The following GLI3 variants were observed in gnomAD, a reference collection of about 807,000 sequenced individuals.
The protein encoded by GLI3 is transcription activator GLI3.
GLI3 carries 20 observed loss-of-function variants against 100.8 expected under a neutral mutation model. The ratio of observed to expected loss-of-function variants is 0.20; its 90% CI spans 0.14 to 0.29. The LOEUF (loss-of-function observed/expected upper bound fraction) is 0.29, where lower values mean the gene tolerates loss of function less well. GLI3 is among the 10% of genes least tolerant of loss of function. The pLI is 1.00. For missense variants in GLI3, 2,040 were observed against 2,128.5 expected (o/e 0.96, Z 0.82); for synonymous variants, 938 against 860.5 (o/e 1.09, Z -1.58).
At chr7:41,984,874 A>C (rs1787772151) in intron 10 of GLI3, among the ~76,000 whole-genome samples, 1 of 152,258 alleles carries the variant, frequency 6.6e-6, no homozygotes, top group Non-Finnish European at 1.5e-5. Context: ...CACAAGCTAC[A>C]TGTAAAAGCA....
chr7:42,045,920 C>G (rs1046802364), intron 5 of GLI3, among the ~76,000 whole-genome samples: 6 of 152,120 alleles, frequency 3.9e-5, no homozygotes, highest in African/African-American at 1.4e-4. Context: ...TGATATCTTT[C>G]CAGACATACT....
chr7:42,238,196 C>A (rs926131416), upstream of GLI3, among the ~76,000 whole-genome samples: 1 of 151,954 alleles, frequency 6.6e-6, no homozygotes, highest in Non-Finnish European at 1.5e-5. Context: ...CCTCTCTCTT[C>A]TCTCTCCACA....
rs1225305023 is a variant in GLI3 at position 42,219,954 on chromosome 7, C to T, written c.124+3176G>A. ...CTGTAAGCTCCACCTCCCGAATTCA[C>T]GCCATTCTCCTGCCTCAGCCTCCCG... is the stretch of plus-strand genomic sequence containing the variant. On this transcript the variant is annotated intron_variant, in intron 2 of 14. Coordinates refer to ENST00000395925, the MANE Select transcript of GLI3 (RefSeq NM_000168.6). Among the ~76,000 whole-genome samples the T allele has an allele frequency of 3.3e-5, 5 of 151,510 alleles. No individual in the cohort carries two copies. The South Asian group carries it at 6.3e-4, about 19-fold the overall frequency.
intron 1 of GLI3, among the ~76,000 whole-genome samples, chr7:42,261,222 C>T (rs1554345529): frequency 0.011 from 1,601 of 140,670 alleles, 29 homozygotes; most frequent in African/African-American, 0.039. Flanking sequence ...CACACACACA[C>T]AACACACACA....
intron 1 of GLI3, among the ~76,000 whole-genome samples, chr7:42,243,927 G>A (rs987284534): frequency 6.6e-5 from 10 of 152,210 alleles, no homozygotes; most frequent in Non-Finnish European, 1.5e-4. Context: ...TCCACCTCCC[G>A]GGTTCAACCA....
At chr7:42,028,939 C>T (rs1027359461) in intron 7 of GLI3, among the ~76,000 whole-genome samples, 8 of 152,184 alleles carry the variant, frequency 5.3e-5, no homozygotes, top group Admixed American at 3.9e-4. Context: ...TCTTCACATA[C>T]TTTGGCCATA....
At chr7:42,135,668 T>G (rs554731809) in intron 3 of GLI3, among the ~76,000 whole-genome samples, 1 of 152,332 alleles carries the variant, frequency 6.6e-6, no homozygotes, top group East Asian at 1.9e-4. Context: ...TTTCCATGTC[T>G]GTCTTTAGCC....
intron 10 of GLI3, among the ~76,000 whole-genome samples, chr7:41,994,422 G>T (rs1788071066): frequency 6.6e-6 from 1 of 152,166 alleles, no homozygotes; most frequent in African/African-American, 2.4e-5. Context: ...GGGAAGTAAG[G>T]TTGGTCCTAC....
chr7:42,223,571 T>C (rs1222091490), intron 1 of GLI3, among the ~76,000 whole-genome samples: 1 of 152,220 alleles, frequency 6.6e-6, no homozygotes, highest in African/African-American at 2.4e-5. Flanking sequence ...TCAAACGGTA[T>C]AAAAATCTCA....
At chr7:42,252,608 C>T (rs1166940516) in intron 1 of GLI3, among the ~76,000 whole-genome samples, 1 of 152,050 alleles carries the variant, frequency 6.6e-6, no homozygotes, top group Non-Finnish European at 1.5e-5. Context: ...ATTTGAGTCA[C>T]CTCTATGATG....
At chr7:42,229,095 G>A (rs954258891) in intron 1 of GLI3, among the ~76,000 whole-genome samples, 1 of 152,138 alleles carries the variant, frequency 6.6e-6, no homozygotes, top group Non-Finnish European at 1.5e-5. Flanking sequence ...AATGATGTTT[G>A]AAGTGAATAA....
chr7:41,967,785 GGGT>G lies in GLI3; in HGVS notation c.2239_2241del (p.Thr747del), dbSNP rs748850322. ...GTGGAAATGGTTGAGTCCATGATTG[GGGT>G]TTCATCGATGGCACTGAGGTCTCCT... On this transcript the variant is annotated inframe_deletion, in exon 14 of 15. Coordinates refer to ENST00000395925, the MANE Select transcript of GLI3 (RefSeq NM_000168.6). 42 of 1,614,036 alleles carry G rather than the reference GGGT, an allele frequency of 2.6e-5. No individual in the cohort carries two copies. The highest frequency in any genetic ancestry group is 8.3e-5 in the Admixed American group (5 of 60,002).
At chr7:42,174,223 A>G (rs966329290) in intron 2 of GLI3, among the ~76,000 whole-genome samples, 4 of 152,166 alleles carry the variant, frequency 2.6e-5, no homozygotes, top group African/African-American at 7.2e-5. Flanking sequence ...AACACCCATC[A>G]TCTGGGTAAC....
chr7:42,159,215 G>A (rs1170894618), intron 2 of GLI3, among the ~76,000 whole-genome samples: 2 of 152,198 alleles, frequency 1.3e-5, no homozygotes, highest in Non-Finnish European at 2.9e-5. Context: ...TATTTGGCTT[G>A]TGCTTAACTT....
chr7:42,126,803 T>G (rs1197566314), intron 3 of GLI3, among the ~76,000 whole-genome samples: 1 of 152,214 alleles, frequency 6.6e-6, no homozygotes, highest in Non-Finnish European at 1.5e-5. Flanking sequence ...CATGACAACA[T>G]TCTTCTACTC....
rs1262254803 is a variant in GLI3 at position 42,087,457 on chromosome 7, C to T, written c.368-10600G>A. Among the ~76,000 whole-genome samples, 5 of 152,332 alleles carry T rather than the reference C, an allele frequency of 3.3e-5. No individual in the cohort carries two copies. In the East Asian group the frequency reaches 5.8e-4, roughly 18 times the overall value. Reference sequence around the variant, plus strand: ...GTAACTTCAGTGAGTAAACTCACCACCCTACCCCATGCCACCACCTCTAAG... The same window carrying T: ...GTAACTTCAGTGAGTAAACTCACCATCCTACCCCATGCCACCACCTCTAAG... On this transcript the variant is annotated intron_variant, in intron 3 of 14. Transcript: ENST00000395925.
At position 42,236,676 on chromosome 7, in the gene GLI3, G is replaced by A. The variant is rs62443827; in HGVS notation, c.-43+295C>T. On this transcript the variant is annotated intron_variant, in intron 1 of 14. Transcript: ENST00000395925. ...TTGGATGGGGGCGGAGGCGAGGGGCGCCGCCACCACTGCGGCAAACTTCGT... is the reference window on the plus strand; with the variant it reads ...TTGGATGGGGGCGGAGGCGAGGGGCACCGCCACCACTGCGGCAAACTTCGT... 6.7e-3 allele frequency among the ~76,000 whole-genome samples: 1,016 copies of A among 152,220 alleles called. 7 individuals are homozygous for A. Among genetic ancestry groups the A allele is most frequent in the Middle Eastern group, 0.017 (5 of 294 alleles).
At chr7:42,024,879 T>G (rs1218621941) in intron 9 of GLI3, among the ~76,000 whole-genome samples, 1 of 152,184 alleles carries the variant, frequency 6.6e-6, no homozygotes, top group African/African-American at 2.4e-5. Flanking sequence ...CAGCTCAGGC[T>G]TGGGTCCAGG....
chr7:42,246,041 G>A (rs1209899231), intron 1 of GLI3, among the ~76,000 whole-genome samples: 1 of 152,130 alleles, frequency 6.6e-6, no homozygotes, highest in African/African-American at 2.4e-5. Flanking sequence ...TCTCAAGTTT[G>A]GGTTGAATTG....
Sources: gnomAD v4.1 joint callset for allele counts (sites outside exome capture counted in the v4.1 genomes callset) on GRCh38, gnomAD v4.1.1 for gene constraint, MANE v1.5 for transcripts, NCBI Gene and HGNC (gene_info 2026-07-23, HGNC 2026-07-21) for gene names.